Variants in IMPG2 observed in about 807,000 individuals in gnomAD.
IMPG2 encodes IPM 200.
IMPG2 carries 91 observed loss-of-function variants against 129.2 expected under a neutral mutation model. That is an observed-to-expected ratio of 0.70 (90% CI 0.59 to 0.84). The LOEUF (loss-of-function observed/expected upper bound fraction) is 0.84, where lower values mean the gene tolerates loss of function less well. Ranked by LOEUF, IMPG2 falls within the 40% of genes least tolerant of loss-of-function variation. The probability of loss-of-function intolerance (pLI) is 0.00; values close to 1 mark genes in which losing one functional copy is unlikely to be tolerated. For synonymous variants in IMPG2, 510 were observed against 517.7 expected (o/e 0.99, Z 0.20); for missense variants, 1,430 against 1,461.7 (o/e 0.98, Z 0.35).
At chr3:101,242,336 A>C (rs1477761807) in intron 14 of IMPG2, among the ~76,000 whole-genome samples, 1 of 152,236 alleles carries the variant, frequency 6.6e-6, no homozygotes, top group Non-Finnish European at 1.5e-5. Context: ...GACAATGCAC[A>C]TGGATGCAAA....
At position 101,275,661 on chromosome 3, in the gene IMPG2, A is replaced by G; in HGVS notation, c.666+2T>C. On this transcript the variant is annotated splice_donor_variant, in intron 6 of 18. Transcript: ENST00000193391. LOFTEE classifies it high-confidence loss of function. ...TAACTAACAAAACAGAGCATCACTCACACTCTCCTCTGGCCTTTCCAAGCT... is the reference window on the plus strand; with the variant it reads ...TAACTAACAAAACAGAGCATCACTCGCACTCTCCTCTGGCCTTTCCAAGCT... 6.2e-7 allele frequency: 1 copy of G among 1,602,628 alleles called. No individual in the cohort carries two copies. The highest frequency in any genetic ancestry group is 8.6e-7 in the Non-Finnish European group (1 of 1,169,408).
chr3:101,290,535 C>G (rs1424013118), intron 4 of IMPG2, among the ~76,000 whole-genome samples: 1 of 151,968 alleles, frequency 6.6e-6, no homozygotes, highest in Non-Finnish European at 1.5e-5. Context: ...AAAAATAAAA[C>G]AGAGTAAACC....
chr3:101,259,934 T>C (rs1706652429), intron 9 of IMPG2, among the ~76,000 whole-genome samples: 1 of 152,166 alleles, frequency 6.6e-6, no homozygotes, highest in Non-Finnish European at 1.5e-5. Context: ...GTCAATGCTA[T>C]AATAATTGAT....
At chr3:101,254,588 C>A (rs1706579145) in intron 10 of IMPG2, among the ~76,000 whole-genome samples, 2 of 152,182 alleles carry the variant, frequency 1.3e-5, no homozygotes, top group South Asian at 4.1e-4. Context: ...CTTTATCCAC[C>A]TGTTCCCACT....
Position 101,258,226 on chromosome 3 carries a change from T to A in IMPG2, c.909-453A>T, listed in dbSNP as rs1400250460. ...CAAATTATGTACTGGAACATAGTTA[T>A]TTATTGTGGTAGGAAAATTATGAAA... On this transcript the variant is annotated intron_variant, in intron 9 of 18. Transcript: ENST00000193391. 2.6e-5 allele frequency among the ~76,000 whole-genome samples: 4 copies of A among 152,246 alleles called. No individual in the cohort carries two copies. In the East Asian group the frequency reaches 7.7e-4, roughly 29 times the overall value.
chr3:101,274,989 T>C (rs972800186), intron 6 of IMPG2, among the ~76,000 whole-genome samples: 4 of 152,012 alleles, frequency 2.6e-5, no homozygotes, highest in Admixed American at 2.6e-4. Context: ...AATGTCCACG[T>C]TGGGAAGTGA....
At chr3:101,286,421 A>T (rs1706946383) in intron 4 of IMPG2, among the ~76,000 whole-genome samples, 1 of 152,084 alleles carries the variant, frequency 6.6e-6, no homozygotes, top group Admixed American at 6.6e-5. Flanking sequence ...TCAATATCCA[A>T]TCTAGAAAAA....
intron 18 of IMPG2, 24 bp downstream of exon 18, chr3:101,228,773 T>G (rs771137458): frequency 1.2e-5 from 19 of 1,584,020 alleles, no homozygotes; most frequent in Middle Eastern, 1.7e-4. Context: ...TAGGTCGGGG[T>G]GGGGGGCTGT....
rs763357886 is a variant in IMPG2 at position 101,244,326 on chromosome 3, G to T, written c.2005C>A (p.His669Asn). 1.2e-6 allele frequency: 2 copies of T among 1,614,006 alleles called. No individual in the cohort carries two copies. Among genetic ancestry groups the T allele is most frequent in the African/African-American group, 1.3e-5 (1 of 75,024 alleles). ...DQISKHSKYE[H>N]DDRSTHFPEE... ...GGAAAGTGTGTGGATCTGTCATCAT[G>T]TTCATATTTTGAGTGCTTACTAATT... Residue 669 changes from histidine (H) to asparagine (N), a missense_variant, in exon 13 of 19, where the codon CAT becomes AAT. Physicochemically the swap from His to Asn is moderately conservative, Grantham distance 68 (BLOSUM62 1). Coordinates refer to ENST00000193391, the MANE Select transcript of IMPG2 (RefSeq NM_016247.4).
rs1706181570 is a variant in IMPG2 at position 101,222,993 on chromosome 3, G to A, written c.*3976C>T. 1 of 152,184 alleles carries A rather than the reference G, an allele frequency of 6.6e-6. No individual in the cohort carries two copies. Among genetic ancestry groups the A allele is most frequent in the Non-Finnish European group, 1.5e-5 (1 of 68,030 alleles). The allele number at this position is 152,184 out of a possible 1,614,324, so 9.4% of individuals were successfully genotyped here. A position where few individuals can be genotyped will look rare whatever the true frequency, so the allele number is the denominator to read the frequency against. Reference sequence around the variant, plus strand: ...TATAACTGTGTGGGCTGAGAGCAGTGTTTTTAACCAGTCTTACTATCCTGA... The same window carrying A: ...TATAACTGTGTGGGCTGAGAGCAGTATTTTTAACCAGTCTTACTATCCTGA... On this transcript the variant is annotated 3_prime_UTR_variant, in exon 19 of 19. Transcript: ENST00000193391.
intron 9 of IMPG2, among the ~76,000 whole-genome samples, chr3:101,258,094 A>G (rs1457934317): frequency 6.6e-6 from 1 of 152,030 alleles, no homozygotes; most frequent in Non-Finnish European, 1.5e-5. Context: ...CCTCTTCACT[A>G]TGAGCCTACT....
intron 4 of IMPG2, among the ~76,000 whole-genome samples, chr3:101,284,604 G>T (rs1340692737): frequency 3.3e-5 from 5 of 151,994 alleles, no homozygotes; most frequent in African/African-American, 1.2e-4. Flanking sequence ...AAAGGAGAAT[G>T]CATAAATATC....
chr3:101,229,138 C>CAAAAAAAAA (rs36091939), intron 17 of IMPG2, among the ~76,000 whole-genome samples: 1 of 132,940 alleles, frequency 7.5e-6, no homozygotes. Flanking sequence ...GTTAATAACG[C>CAAAAAAAAA]AAAAAAAAAA....
In IMPG2 at chr3:101,273,581, C is replaced by T; in HGVS notation, c.828G>A (p.Glu276=). The T allele has an allele frequency of 1.2e-6, 2 of 1,613,910 alleles. No individual in the cohort carries two copies. The highest frequency in any genetic ancestry group is 1.7e-6 in the Non-Finnish European group (2 of 1,179,934). ...HQHLEEEFIS[E]VENAFTGLPG... is the part of the protein sequence containing the mutation. ...GTTTGTTTTTTTTTTAATCACCCAC[C>T]TCTGAAATAAATTCTTCTTCAAGGT... is the stretch of plus-strand genomic sequence containing the variant. The change falls in exon 7 of 19, where the codon GAG becomes GAA. Residue 276 remains glutamate (E), a splice_region_variant and synonymous_variant. Transcript: ENST00000193391.
intron 2 of IMPG2, among the ~76,000 whole-genome samples, chr3:101,309,504 T>G (rs1175240268): frequency 2.0e-5 from 3 of 152,098 alleles, no homozygotes; most frequent in African/African-American, 4.8e-5. Flanking sequence ...TCCACAAAAT[T>G]CCACTTAAAC....
chr3:101,269,264 A>G (rs1706752994), intron 8 of IMPG2, among the ~76,000 whole-genome samples: 1 of 152,222 alleles, frequency 6.6e-6, no homozygotes, highest in Admixed American at 6.5e-5. Context: ...AGCTGGGGAC[A>G]TGAATTCCTG....
At chr3:101,317,213 A>T (rs569028032) in intron 2 of IMPG2, among the ~76,000 whole-genome samples, 1 of 152,212 alleles carries the variant, frequency 6.6e-6, no homozygotes, top group Non-Finnish European at 1.5e-5. Flanking sequence ...GTATACTTTA[A>T]ATATATGCAG....
At chr3:101,302,948 T>C (rs1049038987) in intron 3 of IMPG2, among the ~76,000 whole-genome samples, 1 of 152,184 alleles carries the variant, frequency 6.6e-6, no homozygotes, top group Non-Finnish European at 1.5e-5. Context: ...ATAAGATCAT[T>C]CCTCTCTTGG....
chr3:101,259,499 C>T (rs1313127934), intron 9 of IMPG2, among the ~76,000 whole-genome samples: 6 of 151,272 alleles, frequency 4.0e-5, no homozygotes. Flanking sequence ...GTGTCTCAGT[C>T]TCTCCTTGAG....
Sources: allele counts gnomAD v4.1 joint callset (sites outside exome capture counted in the v4.1 genomes callset), GRCh38; gene constraint gnomAD v4.1.1; transcripts MANE v1.5; gene names NCBI Gene and HGNC (gene_info 2026-07-23, HGNC 2026-07-21).